The following TM6SF2 variants were observed in gnomAD, a reference collection of about 807,000 sequenced individuals.
The protein encoded by TM6SF2 is transmembrane 6 superfamily member 2.
In TM6SF2, 29 loss-of-function variants were observed where a neutral mutation model predicts 41.0. The ratio of observed to expected loss-of-function variants is 0.71; its 90% CI spans 0.53 to 0.96. TM6SF2 has a LOEUF of 0.96. Among genes scored for constraint, TM6SF2 ranks in the 50% least tolerant of loss-of-function variants. The probability of loss-of-function intolerance (pLI) is 0.00; values close to 1 mark genes in which losing one functional copy is unlikely to be tolerated. For synonymous variants in TM6SF2, 200 were observed against 209.1 expected (o/e 0.96, Z 0.37); for missense variants, 475 against 499.0 (o/e 0.95, Z 0.46).
intron 8 of TM6SF2, among the ~76,000 whole-genome samples, chr19:19,267,367 TAAAAA>T (rs764335067): frequency 5.0e-4 from 59 of 116,980 alleles, no homozygotes; most frequent in Admixed American, 2.2e-3. Context: ...AAACTCTGTT[TAAAAA>T]AAAAAAAAAA....
chr19:19,264,841 G>A lies in TM6SF2; in HGVS notation c.957C>T (p.His319=). The change falls in exon 10 of 10, where the codon CAC becomes CAT. Residue 319 remains histidine (H), a synonymous_variant. Coordinates refer to ENST00000389363, the MANE Select transcript of TM6SF2 (RefSeq NM_001001524.3). ...AQFSHMGASM[H]LRTPFTYRVP... is the part of the protein sequence containing the mutation. ...CACGGTAGGTGAAGGGTGTGCGCAGGTGCATGGAAGCCCCCATGTGCGAGA... is the reference window on the plus strand; with the variant it reads ...CACGGTAGGTGAAGGGTGTGCGCAGATGCATGGAAGCCCCCATGTGCGAGA... The A allele has an allele frequency of 1.9e-6, 3 of 1,589,692 alleles. No individual in the cohort carries two copies. Among genetic ancestry groups the A allele is most frequent in the East Asian group, 2.4e-5 (1 of 42,372 alleles).
intron 1 of TM6SF2, 139 bp from the exon 2 acceptor site, chr19:19,271,264 T>C: frequency 1.4e-6 from 1 of 699,184 alleles, no homozygotes; most frequent in Non-Finnish European, 2.6e-6. Context: ...TCAATGCTGT[T>C]CCCTGAAACT....
chr19:19,270,292 G>A lies in TM6SF2; in HGVS notation c.298-16C>T. 6.2e-7 allele frequency: 1 copy of A among 1,614,200 alleles called. No homozygotes were observed. Among genetic ancestry groups the A allele is most frequent in the Non-Finnish European group, 8.5e-7 (1 of 1,180,022 alleles). On this transcript the variant is annotated splice_polypyrimidine_tract_variant and intron_variant, in intron 3 of 9. Transcript: ENST00000389363. ...ATGGCTCTCCCTGTGGGGGCAGGTG[G>A]GAGACTCAGACGGGCAGTGCGGTAG...
rs200096419 is a variant in TM6SF2, at chr19:19,269,779, G to A, written c.402-10C>T. On this transcript the variant is annotated splice_polypyrimidine_tract_variant and intron_variant, in intron 4 of 9. Transcript: ENST00000389363. Reference sequence around the variant, plus strand: ...ATTCCGGTATCTCTTCCTGAGCAGGGGATGGAGGGGTGACCAGCAGGTAGT... The same window carrying A: ...ATTCCGGTATCTCTTCCTGAGCAGGAGATGGAGGGGTGACCAGCAGGTAGT... 1,715 of 1,613,916 alleles carry A rather than the reference G, an allele frequency of 1.1e-3. 2 individuals carry two copies. The highest frequency in any genetic ancestry group is 1.4e-3 in the Non-Finnish European group (1,595 of 1,179,990).
At chr19:19,271,193 T>C in intron 1 of TM6SF2, 68 bp from the exon 2 acceptor site, 1 of 1,299,982 alleles carries the variant, frequency 7.7e-7, no homozygotes, top group Non-Finnish European at 1.1e-6. Flanking sequence ...CTCTCCCTGG[T>C]GGGGGAAGGG....
chr19:19,271,976 T>C (rs963130955), intron 1 of TM6SF2, among the ~76,000 whole-genome samples: 3 of 152,216 alleles, frequency 2.0e-5, no homozygotes, highest in African/African-American at 7.2e-5. Context: ...GTAGACTTCA[T>C]TGTCTGACGC....
chr19:19,269,755 T>C lies in TM6SF2; in HGVS notation c.416A>G (p.Asn139Ser). The C allele has an allele frequency of 6.2e-7, 1 of 1,614,112 alleles. No homozygotes were observed. The highest frequency in any genetic ancestry group is 8.5e-7 in the Non-Finnish European group (1 of 1,179,984). ...GGAACCCAGCCAGTAGAGTCCAAAA[T>C]TCCGGTATCTCTTCCTGAGCAGGGG... ...GAICRRKRYR[N>S]FGLYWLGSFA... The change falls in exon 5 of 10, where the codon AAT becomes AGT. Residue 139 changes from asparagine (N) to serine (S), a missense_variant. Transcript: ENST00000389363.
At chr19:19,270,520 C>T (rs2061019989) in intron 2 of TM6SF2, 78 bp from the exon 3 acceptor site, 1 of 1,507,278 alleles carries the variant, frequency 6.6e-7, no homozygotes, top group Non-Finnish European at 8.9e-7. Context: ...GTGGGCGGGG[C>T]TTGAAGTTAA....
chr19:19,265,020 T>C (rs2060998043), intron 9 of TM6SF2, 147 bp from the exon 10 acceptor site: 2 of 410,690 alleles, frequency 4.9e-6, no homozygotes, highest in East Asian at 8.3e-5. Context: ...CTGTTTCCCA[T>C]CTCCAGTCCA....
intron 8 of TM6SF2, chr19:19,266,847 C>T: frequency 2.3e-6 from 1 of 436,882 alleles, no homozygotes; most frequent in Non-Finnish European, 4.2e-6. Context: ...CTGGCCTAGC[C>T]AGTCGGAGCA....
chr19:19,271,112 CCA>C lies in TM6SF2; in HGVS notation c.107_108del (p.Val36GlyfsTer26). Reference protein sequence around the residue: ...HVSALSHPLWVALMSALILGL... With the variant: ...HVSALSHPLWXALMSALILGL... ...CCCAGGATTAGGGCGCTCATCAATG[CCA>C]CCCACAGGGGGCTGTGGAGAGGGAA... is the stretch of plus-strand genomic sequence containing the variant. On this transcript the variant is annotated frameshift_variant, in exon 2 of 10. Transcript: ENST00000389363. LOFTEE classifies it high-confidence loss of function. 1 of 1,614,162 alleles carries C rather than the reference CCA, an allele frequency of 6.2e-7. No homozygotes were observed. Among genetic ancestry groups the C allele is most frequent in the Non-Finnish European group, 8.5e-7 (1 of 1,179,990 alleles).
At chr19:19,266,666 G>T in intron 8 of TM6SF2, 57 bp from the exon 9 acceptor site, 1 of 1,557,972 alleles carries the variant, frequency 6.4e-7, no homozygotes, top group South Asian at 1.2e-5. Flanking sequence ...TACCCCAGGT[G>T]GGTCTCCTGA....
intron 1 of TM6SF2, 86 bp from the exon 2 acceptor site, chr19:19,271,211 C>G (rs2074307): frequency 0.021 from 22,059 of 1,048,066 alleles, 865 homozygotes; most frequent in South Asian, 0.11. Flanking sequence ...GGGGCAGACT[C>G]CTGGAAGCCC....
chr19:19,270,399 G>A lies in TM6SF2; in HGVS notation c.243C>T (p.Ile81=), dbSNP rs777325985. 30 of 1,613,784 alleles carry A rather than the reference G, an allele frequency of 1.9e-5. No homozygotes were observed. Among genetic ancestry groups the A allele is most frequent in the African/African-American group, 2.7e-5 (2 of 74,920 alleles). ...FAFTSVVDLI[I]ALQEDSYVVG... ...CCACATAGCTGTCTTCCTGAAGAGC[G>A]ATGATGAGGTCCACAACCGAGGTGA... is the stretch of plus-strand genomic sequence containing the variant. Residue 81 remains isoleucine, a synonymous_variant, in exon 3 of 10, where the codon ATC becomes ATT. Transcript: ENST00000389363.
At chr19:19,273,090 C>G (rs1568613728) in intron 1 of TM6SF2, 31 bp downstream of exon 1, 27 of 1,401,530 alleles carry the variant, frequency 1.9e-5, no homozygotes, top group Non-Finnish European at 2.4e-5. Context: ...CCACTGTCCC[C>G]AAGGCCGCCC....
chr19:19,264,502 G>A lies in TM6SF2; in HGVS notation c.*162C>T, dbSNP rs1371695472. Reference sequence around the variant, plus strand: ...GAGGCTCTCCTTGCAGGAACACTTGGTCGTTGGTCTCCATCCCACCCACTG... The same window carrying A: ...GAGGCTCTCCTTGCAGGAACACTTGATCGTTGGTCTCCATCCCACCCACTG... On this transcript the variant is annotated 3_prime_UTR_variant, in exon 10 of 10. Coordinates refer to ENST00000389363, the MANE Select transcript of TM6SF2 (RefSeq NM_001001524.3). The A allele has an allele frequency of 1.4e-5, 7 of 500,302 alleles. No homozygotes were observed. Among genetic ancestry groups the A allele is most frequent in the African/African-American group, 6.0e-5 (3 of 50,198 alleles). 31.0% of individuals were successfully genotyped at this position (500,302 alleles called of 1,614,324 possible).
chr19:19,269,786 G>A lies in TM6SF2; in HGVS notation c.402-17C>T, dbSNP rs2061016275. The A allele has an allele frequency of 1.2e-6, 2 of 1,613,846 alleles. No homozygotes were observed. The highest frequency in any genetic ancestry group is 1.7e-6 in the Non-Finnish European group (2 of 1,179,974). Reference sequence around the variant, plus strand: ...TATCTCTTCCTGAGCAGGGGATGGAGGGGTGACCAGCAGGTAGTCACTCCG... The same window carrying A: ...TATCTCTTCCTGAGCAGGGGATGGAAGGGTGACCAGCAGGTAGTCACTCCG... On this transcript the variant is annotated splice_polypyrimidine_tract_variant and intron_variant, in intron 4 of 9. Coordinates refer to ENST00000389363, the MANE Select transcript of TM6SF2 (RefSeq NM_001001524.3).
At chr19:19,272,399 A>T (rs1020091319) in intron 1 of TM6SF2, among the ~76,000 whole-genome samples, 1 of 152,354 alleles carries the variant, frequency 6.6e-6, no homozygotes, top group Middle Eastern at 3.4e-3. Context: ...TGAGGCTCCC[A>T]GAGGAACTTG....
rs2061021578 is a variant in TM6SF2 at position 19,270,924 on chromosome 19, C to G, written c.199+98G>C. 9 of 982,396 alleles carry G rather than the reference C, an allele frequency of 9.2e-6. No homozygotes were observed. In the Admixed American group the frequency reaches 1.6e-4, roughly 17 times the overall value. The allele number at this position is 982,396 out of a possible 1,614,324, so 60.9% of individuals were successfully genotyped here. ...GTCTGATGGGAGCTCTTAAAGGGCC[C>G]CCAGTCTGATGGAGGAGGCCCCTTA... is the stretch of plus-strand genomic sequence containing the variant. On this transcript the variant is annotated intron_variant, in intron 2 of 9. Coordinates refer to ENST00000389363, the MANE Select transcript of TM6SF2 (RefSeq NM_001001524.3).
Sources: gnomAD v4.1 joint callset for allele counts (sites outside exome capture counted in the v4.1 genomes callset) on GRCh38, gnomAD v4.1.1 for gene constraint, MANE v1.5 for transcripts, NCBI Gene and HGNC (gene_info 2026-07-23, HGNC 2026-07-21) for gene names.